SMIM13: variants seen among roughly 807,000 people sequenced by gnomAD.
SMIM13 encodes small integral membrane protein 13.
A neutral mutation model predicts 5.9 loss-of-function variants in SMIM13; 3 were observed. The observed-to-expected ratio is 0.51, with a 90% CI of 0.23 to 1.31. The LOEUF is 1.31. SMIM13 is among the 40% of genes most tolerant of loss of function. The pLI, the probability that SMIM13 is intolerant of heterozygous loss-of-function variation, is 0.18. For missense variants in SMIM13, 85 were observed against 109.9 expected, an observed-to-expected ratio of 0.77 and a Z score of 1.01; for synonymous variants, 55 against 46.0, an observed-to-expected ratio of 1.19 and a Z score of -0.79.
chr6:11,101,387 T>C (rs1162622412), intron 1 of SMIM13, among the ~76,000 whole-genome samples: 5 of 152,254 alleles, frequency 3.3e-5, no homozygotes, highest in Non-Finnish European at 1.5e-5. Flanking sequence ...TCAGGAATAC[T>C]GAGGTTCGAC....
intron 1 of SMIM13, among the ~76,000 whole-genome samples, chr6:11,107,615 C>A (rs985759567): frequency 3.3e-5 from 5 of 152,106 alleles, no homozygotes; most frequent in African/African-American, 1.2e-4. Flanking sequence ...GGGGGAGATA[C>A]AAAAGAAAGA....
intron 1 of SMIM13, chr6:11,104,856 T>A: frequency 6.2e-7 from 1 of 1,614,244 alleles, no homozygotes; most frequent in Non-Finnish European, 8.5e-7. Context: ...TTGGTTAGAA[T>A]CTACAGTGAA....
chr6:11,135,127 T>C lies in SMIM13; in HGVS notation c.*525T>C, dbSNP rs1379891465. On this transcript the variant is annotated 3_prime_UTR_variant, in exon 2 of 2. Coordinates refer to ENST00000416247, the MANE Select transcript of SMIM13 (RefSeq NM_001135575.2). ...ACATTTTAAAATGTCTTCAAAAAGA[T>C]CACACTATGATTCAGCATTGAAACG... 6.6e-6 allele frequency: 1 copy of C among 152,608 alleles called. No individual in the cohort carries two copies. The highest frequency in any genetic ancestry group is 1.5e-5 in the Non-Finnish European group (1 of 68,072). The allele number at this position is 152,608 out of a possible 1,614,324, so 9.5% of individuals were successfully genotyped here. A position where few individuals can be genotyped will look rare whatever the true frequency, so the allele number is the denominator to read the frequency against.
chr6:11,103,804 G>A lies in SMIM13; in HGVS notation c.76+9415G>A, dbSNP rs370176915. ...ACAAATTGGGTTATTAGATTTAGGAGACATGGACCAAAAAGGAGCAAAAGT... is the reference window on the plus strand; with the variant it reads ...ACAAATTGGGTTATTAGATTTAGGAAACATGGACCAAAAAGGAGCAAAAGT... On this transcript the variant is annotated intron_variant, in intron 1 of 1. Coordinates refer to ENST00000416247, the MANE Select transcript of SMIM13 (RefSeq NM_001135575.2). 8 of 1,551,576 alleles carry A rather than the reference G, an allele frequency of 5.2e-6. No homozygotes were observed. The African/African-American group carries it at 8.2e-5, about 16-fold the overall frequency.
chr6:11,108,812 GA>G (rs1758126792), intron 1 of SMIM13, among the ~76,000 whole-genome samples: 2 of 152,298 alleles, frequency 1.3e-5, no homozygotes, highest in African/African-American at 4.8e-5. Flanking sequence ...TTGAGTTAGG[GA>G]AATGATCCTT....
At chr6:11,104,882 T>C (rs1423036829) in intron 1 of SMIM13, 2 of 1,614,138 alleles carry the variant, frequency 1.2e-6, no homozygotes, top group African/African-American at 2.7e-5. Flanking sequence ...CATTACAGAC[T>C]GTACTTGGAA....
At chr6:11,108,268 AG>A (rs1301606966) in intron 1 of SMIM13, among the ~76,000 whole-genome samples, 1 of 152,232 alleles carries the variant, frequency 6.6e-6, no homozygotes, top group African/African-American at 2.4e-5. Flanking sequence ...AGCATTGAGC[AG>A]GCAGCCCTCA....
At chr6:11,103,518 G>T in intron 1 of SMIM13, 1 of 925,448 alleles carries the variant, frequency 1.1e-6, no homozygotes, top group Non-Finnish European at 1.5e-6. Context: ...TTCTTTAACT[G>T]CTTCCTGCTG....
chr6:11,094,420 C>A, intron 1 of SMIM13, 31 bp downstream of exon 1: 1 of 1,514,232 alleles, frequency 6.6e-7, no homozygotes. Context: ...CGAGGCAGTT[C>A]CACACGCCGG....
chr6:11,134,569 A>C lies in SMIM13; in HGVS notation c.243A>C (p.Ala81=). 1 of 1,549,096 alleles carries C rather than the reference A, an allele frequency of 6.5e-7. No homozygotes were observed. Among genetic ancestry groups the C allele is most frequent in the Non-Finnish European group, 8.7e-7 (1 of 1,145,618 alleles). The change falls in exon 2 of 2, where the codon GCA becomes GCC. Residue 81 remains alanine, a synonymous_variant. Coordinates refer to ENST00000416247, the MANE Select transcript of SMIM13 (RefSeq NM_001135575.2). ...TCAGATCCGCTCGCCAAAGGAGGGC[A>C]CCTGCTGATGAAGGCCACAGACCCC... ...HRIRSARQRR[A]PADEGHRPLT
intron 1 of SMIM13, among the ~76,000 whole-genome samples, chr6:11,108,270 G>A (rs1758117850): frequency 6.6e-6 from 1 of 152,164 alleles, no homozygotes; most frequent in Admixed American, 6.5e-5. Context: ...CATTGAGCAG[G>A]CAGCCCTCAT....
chr6:11,098,330 A>T (rs1757950546), intron 1 of SMIM13, among the ~76,000 whole-genome samples: 1 of 152,204 alleles, frequency 6.6e-6, no homozygotes, highest in African/African-American at 2.4e-5. Context: ...TGGCCTCCAT[A>T]TTACCCAGCC....
At chr6:11,132,981 A>G (rs187009961) in intron 1 of SMIM13, among the ~76,000 whole-genome samples, 1 of 152,342 alleles carries the variant, frequency 6.6e-6, no homozygotes, top group East Asian at 1.9e-4. Flanking sequence ...CCCACTGCCT[A>G]TGGACAACCA....
At chr6:11,123,889 TAGTA>T (rs879513650) in intron 1 of SMIM13, among the ~76,000 whole-genome samples, 22 of 152,338 alleles carry the variant, frequency 1.4e-4, no homozygotes, top group Non-Finnish European at 2.8e-4. Flanking sequence ...TGTGGGTACA[TAGTA>T]GGTACATATA....
intron 1 of SMIM13, among the ~76,000 whole-genome samples, chr6:11,116,841 C>T (rs1017717258): frequency 3.3e-5 from 5 of 151,770 alleles, no homozygotes; most frequent in Admixed American, 2.0e-4. Context: ...TTGGTTTATG[C>T]GTATATCTAT....
rs549570546 is a variant in SMIM13 at position 11,103,651 on chromosome 6, C to T, written c.76+9262C>T. 1.1e-5 allele frequency: 17 copies of T among 1,494,086 alleles called. No individual in the cohort carries two copies. The East Asian group carries it at 1.5e-4, about 13-fold the overall frequency. 92.6% of individuals were successfully genotyped at this position (1,494,086 alleles called of 1,614,324 possible). A position where few individuals can be genotyped will look rare whatever the true frequency, so the allele number is the denominator to read the frequency against. On this transcript the variant is annotated intron_variant, in intron 1 of 1. Transcript: ENST00000416247. ...GTCCACGGGAGACGGGGCAGGATTT[C>T]GCCTCTGTCGTGTTCCACTAGCGAG...
At chr6:11,094,822 C>T (rs1380928189) in intron 1 of SMIM13, among the ~76,000 whole-genome samples, 1 of 152,124 alleles carries the variant, frequency 6.6e-6, no homozygotes, top group Non-Finnish European at 1.5e-5. Context: ...GGGTTTTCAG[C>T]ACGCGTGAAA....
rs1014629298 is a variant in SMIM13 at position 11,094,285 on chromosome 6, C to T, written c.-29C>T. 65 of 1,399,746 alleles carry T rather than the reference C, an allele frequency of 4.6e-5. No homozygotes were observed. Among genetic ancestry groups the T allele is most frequent in the Non-Finnish European group, 5.8e-5 (62 of 1,065,380 alleles). The allele number at this position is 1,399,746 out of a possible 1,614,324, so 86.7% of individuals were successfully genotyped here. A position where few individuals can be genotyped will look rare whatever the true frequency, so the allele number is the denominator to read the frequency against. On this transcript the variant is annotated 5_prime_UTR_variant, in exon 1 of 2. Transcript: ENST00000416247. ...GCTCACCGCCGTCCGCGCCAGCCGC[C>T]CCGAGCCGACTGCCCTTCTGCCCCC...
rs2113672342 is a variant in SMIM13 at position 11,134,717 on chromosome 6, A to G, written c.*115A>G. 1.2e-6 allele frequency: 1 copy of G among 845,548 alleles called. No homozygotes were observed. The highest frequency in any genetic ancestry group is 3.0e-5 in the East Asian group (1 of 33,386). The allele number at this position is 845,548 out of a possible 1,614,324, so 52.4% of individuals were successfully genotyped here. ...TGTATTGGATTTTAAGTCGAATTTT[A>G]AAAAAGATTTACATGTAAGCCATAT... On this transcript the variant is annotated 3_prime_UTR_variant, in exon 2 of 2. Transcript: ENST00000416247.
Sources: allele counts gnomAD v4.1 joint callset (sites outside exome capture counted in the v4.1 genomes callset), GRCh38; gene constraint gnomAD v4.1.1; transcripts MANE v1.5; gene names NCBI Gene and HGNC (gene_info 2026-07-23, HGNC 2026-07-21).